Variants in GLIS3 observed in about 807,000 individuals in gnomAD.
GLIS3 encodes zinc finger protein GLIS3.
In GLIS3, 53 loss-of-function variants were observed where a neutral mutation model predicts 78.6. The observed-to-expected ratio is 0.67, with a 90% CI of 0.54 to 0.85. GLIS3 has a LOEUF of 0.85. GLIS3 is among the 40% of genes least tolerant of loss of function. GLIS3 has a pLI of 0.00. For missense variants in GLIS3, 1,703 were observed against 1,231.1 expected (o/e 1.38, Z -5.74); for synonymous variants, 684 against 509.9 (o/e 1.34, Z -4.60).
At chr9:4,485,938 G>A in the GLIS3 span, among the ~76,000 whole-genome samples, 1 of 152,066 alleles carries the variant, frequency 6.6e-6, no homozygotes, top group African/African-American at 2.4e-5. Flanking sequence ...GGCCAGGCTG[G>A]TCTCAAACTC....
In GLIS3 at chr9:3,826,912, C is replaced by T. The variant is rs966349280; in HGVS notation, c.*1360G>A. The T allele has an allele frequency of 3.9e-5, 6 of 152,130 alleles. No individual in the cohort carries two copies. Among genetic ancestry groups the T allele is most frequent in the African/African-American group, 1.2e-4 (5 of 41,426 alleles). 9.4% of individuals were successfully genotyped at this position (152,130 alleles called of 1,614,324 possible). A position where few individuals can be genotyped will look rare whatever the true frequency, so the allele number is the denominator to read the frequency against. On this transcript the variant is annotated 3_prime_UTR_variant, in exon 11 of 11. Coordinates refer to ENST00000381971, the MANE Select transcript of GLIS3 (RefSeq NM_001042413.2). ...ACTGGCCAATTTTTATAGCTGATGC[C>T]CTAGGACTTAGGATCTGTAATAGCT...
At chr9:3,844,310 G>C (rs1818909197) in intron 9 of GLIS3, among the ~76,000 whole-genome samples, 1 of 152,038 alleles carries the variant, frequency 6.6e-6, no homozygotes, top group Non-Finnish European at 1.5e-5. Flanking sequence ...ATTTATAAGG[G>C]TAATTCCAGT....
chr9:3,833,992 CAAAG>C (rs1414788869), intron 9 of GLIS3, among the ~76,000 whole-genome samples: 3 of 152,030 alleles, frequency 2.0e-5, no homozygotes, highest in African/African-American at 7.2e-5. Context: ...CTAGTATAAA[CAAAG>C]AAGGCAAAAA....
At chr9:4,347,655 G>A (rs1380841767) in intron 1 of GLIS3, among the ~76,000 whole-genome samples, 1 of 152,158 alleles carries the variant, frequency 6.6e-6, no homozygotes, top group East Asian at 1.9e-4. Flanking sequence ...AAATAATCCA[G>A]AGTGAACTAA....
chr9:4,468,884 G>T, the GLIS3 span, among the ~76,000 whole-genome samples: 1 of 152,158 alleles, frequency 6.6e-6, no homozygotes, highest in Non-Finnish European at 1.5e-5. Context: ...GCTGTATTCA[G>T]GAGACTCATC....
intron 2 of GLIS3, among the ~76,000 whole-genome samples, chr9:4,156,386 T>C (rs1835042479): frequency 6.6e-6 from 1 of 152,236 alleles, no homozygotes; most frequent in Non-Finnish European, 1.5e-5. Flanking sequence ...CACAAGTTTT[T>C]GTCCCTGTAC....
chr9:3,828,209 C>T lies in GLIS3; in HGVS notation c.*63G>A, dbSNP rs559069643. 178 of 1,604,122 alleles carry T rather than the reference C, an allele frequency of 1.1e-4. No individual in the cohort carries two copies. Among genetic ancestry groups the T allele is most frequent in the Middle Eastern group, 6.9e-4 (4 of 5,798 alleles). On this transcript the variant is annotated 3_prime_UTR_variant, in exon 11 of 11. Transcript: ENST00000381971. The stretch of plus-strand genomic sequence containing the variant: ...CTTCCTCAAGCAGTCTGTGAGAGTA[C>T]GAAAACAAAAGGTGGCAAGCAACAT...
intron 4 of GLIS3, among the ~76,000 whole-genome samples, chr9:4,010,559 T>G (rs1196801572): frequency 6.6e-6 from 1 of 152,110 alleles, no homozygotes; most frequent in Admixed American, 6.5e-5. Flanking sequence ...TCTCTGGTAA[T>G]AGCAGGCAGG....
At chr9:3,855,823 A>G (rs1251339330) in intron 9 of GLIS3, 186 bp downstream of exon 9, 3 of 673,242 alleles carry the variant, frequency 4.5e-6, no homozygotes, top group Non-Finnish European at 7.9e-6. Flanking sequence ...TACCATCATC[A>G]GGCCAAAGTC....
chr9:4,243,486 A>G (rs888992159), intron 2 of GLIS3, among the ~76,000 whole-genome samples: 1 of 152,182 alleles, frequency 6.6e-6, no homozygotes, highest in Admixed American at 6.5e-5. Context: ...ACTGCCAATG[A>G]GAAATGGTTC....
At chr9:4,200,813 A>T (rs1819319670) in intron 2 of GLIS3, among the ~76,000 whole-genome samples, 1 of 152,198 alleles carries the variant, frequency 6.6e-6, no homozygotes, top group African/African-American at 2.4e-5. Context: ...TCAAAGTGGA[A>T]CGACTCCTGC....
intron 9 of GLIS3, among the ~76,000 whole-genome samples, chr9:3,853,580 A>G (rs184705785): frequency 6.6e-6 from 1 of 152,310 alleles, no homozygotes; most frequent in Admixed American, 6.5e-5. Flanking sequence ...TTTTTGTCAA[A>G]TCTTCCTAAC....
Position 3,998,568 on chromosome 9 carries a change from T to C in GLIS3, c.1711-61379A>G, listed in dbSNP as rs1006112066. On this transcript the variant is annotated intron_variant, in intron 4 of 10. Coordinates refer to ENST00000381971, the MANE Select transcript of GLIS3 (RefSeq NM_001042413.2). ...GTAGAGTTTAAGATTTCTTTGCAGA[T>C]TTTTTGTCCTTAAAATTTGTCCCAC... 4.0e-5 allele frequency among the ~76,000 whole-genome samples: 6 copies of C among 151,762 alleles called. No homozygotes were observed. In the East Asian group the frequency reaches 1.2e-3, roughly 29 times the overall value.
chr9:3,902,046 T>C (rs1823343652), intron 6 of GLIS3, among the ~76,000 whole-genome samples: 1 of 152,234 alleles, frequency 6.6e-6, no homozygotes, highest in Non-Finnish European at 1.5e-5. Context: ...AACGAGGTCT[T>C]TGCAAGGAAT....
chr9:4,058,728 C>T (rs549831546), intron 4 of GLIS3, among the ~76,000 whole-genome samples: 2 of 152,222 alleles, frequency 1.3e-5, no homozygotes, highest in South Asian at 2.1e-4. Context: ...AGCCTGTAAT[C>T]CCAGCACTTT....
At chr9:4,411,341 T>C in the GLIS3 span, among the ~76,000 whole-genome samples, 1 of 152,190 alleles carries the variant, frequency 6.6e-6, no homozygotes, top group African/African-American at 2.4e-5. Context: ...CCACACGACC[T>C]CCCAACTGTA....
At chr9:4,247,362 T>TA (rs1466198213) in intron 2 of GLIS3, among the ~76,000 whole-genome samples, 2 of 152,136 alleles carry the variant, frequency 1.3e-5, no homozygotes, top group Admixed American at 6.5e-5. Context: ...AGTACAGAAA[T>TA]AAAAAAATTT....
Position 4,257,613 on chromosome 9 carries a change from G to A in GLIS3, c.388+28425C>T, listed in dbSNP as rs1046276887. On this transcript the variant is annotated intron_variant, in intron 2 of 10. Coordinates refer to ENST00000381971, the MANE Select transcript of GLIS3 (RefSeq NM_001042413.2). The stretch of plus-strand genomic sequence containing the variant: ...TTTTGAGACGGAGTCTCGCTCTGTC[G>A]CCCAGGTTGGAGTGCACTGGCACAA... Among the ~76,000 whole-genome samples the A allele has an allele frequency of 1.5e-4, 16 of 109,706 alleles. No homozygotes were observed. In the South Asian group the frequency reaches 2.5e-3, roughly 17 times the overall value. The allele number at this position is 109,706 out of a possible 152,430, so 72.0% of individuals were successfully genotyped here.
intron 8 of GLIS3, among the ~76,000 whole-genome samples, chr9:3,872,969 C>G (rs1020839005): frequency 6.6e-6 from 1 of 151,800 alleles, no homozygotes; most frequent in African/African-American, 2.4e-5. Context: ...AAAGAAGCAA[C>G]CAAACAAAAA....
Sources: allele counts gnomAD v4.1 joint callset (sites outside exome capture counted in the v4.1 genomes callset), GRCh38; gene constraint gnomAD v4.1.1; transcripts MANE v1.5; gene names NCBI Gene and HGNC (gene_info 2026-07-23, HGNC 2026-07-21).